PITPNM3: variants seen among roughly 807,000 people sequenced by gnomAD.
The protein encoded by PITPNM3 is PITPNM family member 3, also known as membrane-associated phosphatidylinositol transfer protein 3.
In PITPNM3, 26 loss-of-function variants were observed where a neutral mutation model predicts 102.0. That is an observed-to-expected ratio of 0.25 (90% CI 0.19 to 0.35). PITPNM3 has a LOEUF of 0.35. Among genes scored for constraint, PITPNM3 ranks in the 10% least tolerant of loss-of-function variants. The pLI is 1.00. For synonymous variants in PITPNM3, 578 were observed against 558.6 expected, an observed-to-expected ratio of 1.03 and a Z score of -0.49; for missense variants, 1,083 against 1,346.1, an observed-to-expected ratio of 0.80 and a Z score of 3.06.
chr17:6,495,379 C>T (rs919140863), intron 4 of PITPNM3, among the ~76,000 whole-genome samples: 2 of 152,102 alleles, frequency 1.3e-5, no homozygotes, highest in African/African-American at 4.8e-5. Context: ...TTTCCAAAAG[C>T]TCTTTTGTTC....
chr17:6,461,319 G>C, intron 18 of PITPNM3, 54 bp downstream of exon 18: 1 of 1,572,558 alleles, frequency 6.4e-7, no homozygotes, highest in South Asian at 1.1e-5. Flanking sequence ...GAGCGGTGGA[G>C]AGGAGGGCTG....
intron 1 of PITPNM3, among the ~76,000 whole-genome samples, chr17:6,552,798 G>A (rs1421753390): frequency 4.3e-5 from 5 of 116,186 alleles, no homozygotes; most frequent in Admixed American, 1.2e-4. Context: ...ACGGAGTCTC[G>A]CTCTGTAGCC....
chr17:6,484,073 A>T (rs989506236), intron 5 of PITPNM3, 143 bp downstream of exon 5: 1 of 932,670 alleles, frequency 1.1e-6, no homozygotes, highest in Admixed American at 1.8e-5. Context: ...CCCAAAGCCC[A>T]GAGAAGGACA....
At chr17:6,503,777 G>A (rs2150608776) in intron 3 of PITPNM3, among the ~76,000 whole-genome samples, 1 of 152,216 alleles carries the variant, frequency 6.6e-6, no homozygotes, top group East Asian at 1.9e-4. Flanking sequence ...TGCCATTTCT[G>A]GGGAGAGTAC....
chr17:6,531,629 AC>A (rs1288256843), intron 2 of PITPNM3, among the ~76,000 whole-genome samples: 1 of 152,194 alleles, frequency 6.6e-6, no homozygotes, highest in Non-Finnish European at 1.5e-5. Flanking sequence ...GGGACGGGGT[AC>A]CCAGGGCCAA....
intron 2 of PITPNM3, among the ~76,000 whole-genome samples, chr17:6,530,952 G>T (rs1244228031): frequency 1.3e-5 from 2 of 152,326 alleles, no homozygotes; most frequent in Admixed American, 6.5e-5. Flanking sequence ...CATTTTACAG[G>T]TACAGAGCTG....
intron 2 of PITPNM3, among the ~76,000 whole-genome samples, chr17:6,527,307 T>C (rs1486066002): frequency 6.6e-6 from 1 of 152,220 alleles, no homozygotes; most frequent in Admixed American, 6.5e-5. Context: ...GGACCCACCA[T>C]CTGCTAGCAA....
In PITPNM3 at chr17:6,454,603, A is replaced by C. The variant is rs1914000015; in HGVS notation, c.*735T>G. On this transcript the variant is annotated 3_prime_UTR_variant, in exon 20 of 20. Coordinates refer to ENST00000262483, the MANE Select transcript of PITPNM3 (RefSeq NM_031220.4). Reference sequence around the variant, plus strand: ...GCCAGCCCAGCTGAGCCAGAGCCCAAGGCTGCAGCCTCCCAAGGGAGGGCA... The same window carrying C: ...GCCAGCCCAGCTGAGCCAGAGCCCACGGCTGCAGCCTCCCAAGGGAGGGCA... The C allele has an allele frequency of 6.6e-6, 1 of 152,332 alleles. No individual in the cohort carries two copies. The highest frequency in any genetic ancestry group is 2.4e-5 in the African/African-American group (1 of 41,456). 9.4% of individuals were successfully genotyped at this position (152,332 alleles called of 1,614,324 possible).
intron 10 of PITPNM3, among the ~76,000 whole-genome samples, chr17:6,473,913 G>C (rs1476561613): frequency 6.6e-6 from 1 of 150,692 alleles, no homozygotes; most frequent in Non-Finnish European, 1.5e-5. Context: ...GGAGGCAGAG[G>C]TTGCAGTGAG....
chr17:6,461,153 A>T (rs887660187), intron 18 of PITPNM3, among the ~76,000 whole-genome samples: 4 of 152,232 alleles, frequency 2.6e-5, no homozygotes, highest in African/African-American at 9.6e-5. Flanking sequence ...TCTGACTCAG[A>T]TCTAGGGCAA....
Position 6,478,247 on chromosome 17 carries a change from A to C in PITPNM3, c.778-150T>G. On this transcript the variant is annotated intron_variant, in intron 7 of 19. Transcript: ENST00000262483. This position sits in a 1 kb window ranked among gnomAD's most constrained non-coding sequence, Gnocchi z 4.4. ...AGCCCAACTGGGAAGCAGTGTGCAA[A>C]CTGGGGAGGGTCAGGGTTGGCGTTG... The C allele has an allele frequency of 7.3e-7, 1 of 1,375,510 alleles. No individual in the cohort carries two copies. Among genetic ancestry groups the C allele is most frequent in the Non-Finnish European group, 9.9e-7 (1 of 1,011,360 alleles). The allele number at this position is 1,375,510 out of a possible 1,614,324, so 85.2% of individuals were successfully genotyped here.
intron 3 of PITPNM3, among the ~76,000 whole-genome samples, chr17:6,513,556 C>CA (rs757938013): frequency 2.0e-5 from 3 of 152,086 alleles, no homozygotes; most frequent in Non-Finnish European, 4.4e-5. Flanking sequence ...ACATTAGCAT[C>CA]AAAAAGACTA....
intron 17 of PITPNM3, among the ~76,000 whole-genome samples, chr17:6,462,076 A>G (rs559388691): frequency 6.7e-4 from 102 of 152,092 alleles, no homozygotes; most frequent in Admixed American, 2.9e-3. Context: ...TGGGCAGATT[A>G]CTCAACCCTC....
rs1422313439 is a variant in PITPNM3, at chr17:6,458,878, AG to A, written c.2491-1157del. Among the ~76,000 whole-genome samples, 1 of 151,700 alleles carries A rather than the reference AG, an allele frequency of 6.6e-6. No homozygotes were observed. ...CATGCTGCCCACCGAGAGCTGCTAA[AG>A]AAACAGAGCCACGCAGCTCTCACCT... On this transcript the variant is annotated intron_variant, in intron 18 of 19. Transcript: ENST00000262483. The surrounding 1 kb of genome is among the most constrained non-coding windows in gnomAD (Gnocchi z 5.1).
At chr17:6,549,824 G>T (rs1910211554) in intron 1 of PITPNM3, among the ~76,000 whole-genome samples, 2 of 152,088 alleles carry the variant, frequency 1.3e-5, no homozygotes, top group Admixed American at 6.5e-5. Flanking sequence ...TTCCCCTGGG[G>T]ACCCTGGCCA....
chr17:6,528,884 C>A (rs1233557953), intron 2 of PITPNM3, among the ~76,000 whole-genome samples: 4 of 152,190 alleles, frequency 2.6e-5, no homozygotes, highest in Admixed American at 6.5e-5. Flanking sequence ...AAGAGGGGAG[C>A]TGCAGGGCTC....
At chr17:6,501,369 A>T (rs553448282) in intron 4 of PITPNM3, among the ~76,000 whole-genome samples, 2 of 152,290 alleles carry the variant, frequency 1.3e-5, no homozygotes, top group South Asian at 4.1e-4. Context: ...CCTAGAGGTA[A>T]TAACAACTCC....
intron 4 of PITPNM3, among the ~76,000 whole-genome samples, chr17:6,491,862 AT>A (rs1906512621): frequency 7.0e-6 from 1 of 143,132 alleles, no homozygotes; most frequent in South Asian, 2.3e-4. Flanking sequence ...AAGAATTAAG[AT>A]CCTGTGTTTG....
In PITPNM3 at chr17:6,452,631, G is replaced by A. The variant is rs1913895677; in HGVS notation, c.*2707C>T. ...GTAGAAAGAGCATATGCATTACACA[G>A]TTGCCGTGAAAGCAGTACTGAAACA... On this transcript the variant is annotated 3_prime_UTR_variant, in exon 20 of 20. Transcript: ENST00000262483. 6.6e-6 allele frequency: 1 copy of A among 152,196 alleles called. No individual in the cohort carries two copies. The highest frequency in any genetic ancestry group is 2.4e-5 in the African/African-American group (1 of 41,440). The allele number at this position is 152,196 out of a possible 1,614,324, so 9.4% of individuals were successfully genotyped here.
Sources: gnomAD v4.1 joint callset for allele counts (sites outside exome capture counted in the v4.1 genomes callset) on GRCh38, gnomAD v4.1.1 for gene constraint, Gnocchi (gnomAD v3.1) non-coding constraint, MANE v1.5 for transcripts, NCBI Gene and HGNC (gene_info 2026-07-23, HGNC 2026-07-21) for gene names.